The following TCERG1L variants were observed in gnomAD, a reference collection of about 807,000 sequenced individuals.
TCERG1L encodes transcription elongation regulator 1 like.
Under a neutral mutation model 56.3 loss-of-function variants are expected in TCERG1L, and 37 were observed. The observed-to-expected ratio is 0.66, with a 90% CI of 0.51 to 0.87. The LOEUF (loss-of-function observed/expected upper bound fraction) is 0.87. Ranked by LOEUF, TCERG1L falls within the 40% of genes least tolerant of loss-of-function variation. TCERG1L has a pLI of 0.00. For missense variants in TCERG1L, 799 were observed against 774.2 expected, an observed-to-expected ratio of 1.03 and a Z score of -0.38; for synonymous variants, 324 against 326.3, an observed-to-expected ratio of 0.99 and a Z score of 0.08.
intron 3 of TCERG1L, among the ~76,000 whole-genome samples, chr10:131,301,472 A>G (rs1462682107): frequency 6.6e-6 from 1 of 152,112 alleles, no homozygotes; most frequent in Non-Finnish European, 1.5e-5. Context: ...ATATTTTGAA[A>G]ACTGACATCT....
chr10:131,287,042 G>C (rs1846553585), intron 3 of TCERG1L, among the ~76,000 whole-genome samples: 1 of 152,128 alleles, frequency 6.6e-6, no homozygotes, highest in Non-Finnish European at 1.5e-5. Context: ...TGGATATATT[G>C]AACTAAATTA....
chr10:131,141,715 G>A (rs185475950), intron 7 of TCERG1L, among the ~76,000 whole-genome samples: 1 of 151,582 alleles, frequency 6.6e-6, no homozygotes, highest in East Asian at 2.0e-4. Context: ...CCTGGAGGTG[G>A]TTGGTGGCTT....
intron 4 of TCERG1L, among the ~76,000 whole-genome samples, chr10:131,181,176 C>T (rs1325343868): frequency 6.6e-6 from 1 of 152,040 alleles, no homozygotes; most frequent in African/African-American, 2.4e-5. Context: ...TGGGACCTCC[C>T]CACAGTGGAG....
chr10:131,282,385 A>G (rs1846469611), intron 3 of TCERG1L, among the ~76,000 whole-genome samples: 1 of 134,654 alleles, frequency 7.4e-6, no homozygotes, highest in African/African-American at 2.7e-5. Flanking sequence ...GTCCTGATGC[A>G]ATTGTTTTAC....
rs868850140 is a variant in TCERG1L, at chr10:131,279,227, C to T, written c.671-18783G>A. ...AGTCATTTTCCTTTCAATTCCAAGC[C>T]GCTCTAAACATGGGTTGACTTTACG... On this transcript the variant is annotated intron_variant, in intron 3 of 11. Transcript: ENST00000368642. 3.9e-5 allele frequency among the ~76,000 whole-genome samples: 6 copies of T among 152,088 alleles called. No individual in the cohort carries two copies. The South Asian group carries it at 6.2e-4, about 16-fold the overall frequency.
At position 131,134,451 on chromosome 10, in the gene TCERG1L, G is replaced by A. The variant is rs374219462; in HGVS notation, c.1190-3C>T. 4.4e-6 allele frequency: 7 copies of A among 1,586,412 alleles called. No individual in the cohort carries two copies. Among genetic ancestry groups the A allele is most frequent in the South Asian group, 2.3e-5 (2 of 86,478 alleles). ...ACTGGACCCATCGCTGTTGTCAGCT[G>A]AAAGAAAATCAGATGAACAGGGTTA... On this transcript the variant is annotated splice_region_variant and splice_polypyrimidine_tract_variant and intron_variant, in intron 7 of 11. Transcript: ENST00000368642.
intron 8 of TCERG1L, among the ~76,000 whole-genome samples, chr10:131,130,691 G>T (rs189289918): frequency 6.6e-6 from 1 of 152,258 alleles, no homozygotes; most frequent in Non-Finnish European, 1.5e-5. Flanking sequence ...ACCTGAGATT[G>T]TGATAAATTT....
chr10:131,102,403 G>A (rs1267507999), intron 10 of TCERG1L, among the ~76,000 whole-genome samples: 2 of 152,170 alleles, frequency 1.3e-5, no homozygotes, highest in Non-Finnish European at 2.9e-5. Context: ...TGGTTACAAC[G>A]AGCAACGCGG....
chr10:131,163,312 A>G (rs35645120), intron 5 of TCERG1L, 102 bp from the exon 6 acceptor site: 143,822 of 925,590 alleles, frequency 0.16, 15,396 homozygotes, highest in East Asian at 0.51. Flanking sequence ...GCAGGCAGGC[A>G]GCTTATAGTA....
chr10:131,214,329 C>T (rs1027156526), intron 4 of TCERG1L, among the ~76,000 whole-genome samples: 2 of 152,208 alleles, frequency 1.3e-5, no homozygotes, highest in Non-Finnish European at 2.9e-5. Flanking sequence ...ACACATGCTC[C>T]TGGCTGCTCA....
rs529590519 is a variant in TCERG1L, at chr10:131,171,491, C to T, written c.857-4606G>A. 7.2e-5 allele frequency among the ~76,000 whole-genome samples: 11 copies of T among 152,318 alleles called. No homozygotes were observed. In the South Asian group the frequency reaches 1.9e-3, roughly 26 times the overall value. On this transcript the variant is annotated intron_variant, in intron 4 of 11. Coordinates refer to ENST00000368642, the MANE Select transcript of TCERG1L (RefSeq NM_174937.4). ...TCAGCTCAAAGGCAGCACCAGGATG[C>T]GGGTCCAGTTGATGGCATATGCCAT...
intron 4 of TCERG1L, among the ~76,000 whole-genome samples, chr10:131,241,642 T>C (rs1483587849): frequency 3.3e-5 from 5 of 149,332 alleles, no homozygotes; most frequent in Non-Finnish European, 7.4e-5. Flanking sequence ...TAGCGCAATA[T>C]AAAAGCATAA....
chr10:131,165,137 TTGGCAGAACCA>T (rs1846017920), intron 5 of TCERG1L, among the ~76,000 whole-genome samples: 1 of 152,248 alleles, frequency 6.6e-6, no homozygotes, highest in Non-Finnish European at 1.5e-5. Flanking sequence ...ATGTGGCTAT[TTGGCAGAACCA>T]TGGAAAACAG....
chr10:131,291,381 A>G (rs1333295023), intron 3 of TCERG1L, among the ~76,000 whole-genome samples: 1 of 113,000 alleles, frequency 8.8e-6, no homozygotes, highest in Admixed American at 1.1e-4. Flanking sequence ...TCTCATGTGT[A>G]TATTCCATAA....
chr10:131,238,354 G>A (rs573426706), intron 4 of TCERG1L, among the ~76,000 whole-genome samples: 1 of 152,324 alleles, frequency 6.6e-6, no homozygotes, highest in African/African-American at 2.4e-5. Flanking sequence ...AAGTCCTGAC[G>A]GAGGAGGTCA....
chr10:131,110,721 C>T (rs1845401915), intron 9 of TCERG1L, among the ~76,000 whole-genome samples: 1 of 152,224 alleles, frequency 6.6e-6, no homozygotes, highest in African/African-American at 2.4e-5. Context: ...CCCGGCTTCA[C>T]CAAAAGCCTC....
Position 131,260,186 on chromosome 10 carries a change from G to T in TCERG1L, c.856+73C>A. On this transcript the variant is annotated intron_variant, in intron 4 of 11. Transcript: ENST00000368642. The surrounding 1 kb of genome is among the most constrained non-coding windows in gnomAD (Gnocchi z 5.8). ...CCCACAGCGCCTGGGCCCAGGCCAGGGGCATCTAACCAGGAAGCCTCCGCG... is the reference window on the plus strand; with the variant it reads ...CCCACAGCGCCTGGGCCCAGGCCAGTGGCATCTAACCAGGAAGCCTCCGCG... 7.9e-7 allele frequency: 1 copy of T among 1,268,166 alleles called. No homozygotes were observed. The highest frequency in any genetic ancestry group is 9.9e-7 in the Non-Finnish European group (1 of 1,006,040). 78.6% of individuals were successfully genotyped at this position (1,268,166 alleles called of 1,614,324 possible). A position where few individuals can be genotyped will look rare whatever the true frequency, so the allele number is the denominator to read the frequency against.
chr10:131,095,625 G>GA (rs1197183930), intron 11 of TCERG1L: 2 of 151,960 alleles, frequency 1.3e-5, no homozygotes, highest in Non-Finnish European at 2.9e-5. Context: ...CTTTTAAAAT[G>GA]AAAAAAATAG....
At chr10:131,259,327 A>T (rs1279540700) in intron 4 of TCERG1L, among the ~76,000 whole-genome samples, 2 of 152,222 alleles carry the variant, frequency 1.3e-5, no homozygotes, top group African/African-American at 4.8e-5. Flanking sequence ...ATAATCTAGC[A>T]ATTAATGATA....
Sources: allele counts gnomAD v4.1 joint callset (sites outside exome capture counted in the v4.1 genomes callset), GRCh38; gene constraint gnomAD v4.1.1; non-coding constraint Gnocchi (gnomAD v3.1); transcripts MANE v1.5; gene names NCBI Gene and HGNC (gene_info 2026-07-23, HGNC 2026-07-21).